The following VAX2 variants were observed in gnomAD, a reference collection of about 807,000 sequenced individuals.
The protein encoded by VAX2 is ventral anterior homeobox 2.
A neutral mutation model predicts 12.5 loss-of-function variants in VAX2; 8 were observed. The observed-to-expected ratio is 0.64, with a 90% CI of 0.37 to 1.15. The LOEUF is 1.15. Ranked by LOEUF, VAX2 falls within the 50% of genes most tolerant of loss-of-function variation. The pLI is 0.01. For missense variants in VAX2, 476 were observed against 412.9 expected, an observed-to-expected ratio of 1.15 and a Z score of -1.32; for synonymous variants, 183 against 187.6, an observed-to-expected ratio of 0.98 and a Z score of 0.20.
intron 1 of VAX2, among the ~76,000 whole-genome samples, chr2:70,917,825 G>C (rs552372142): frequency 6.6e-6 from 1 of 152,158 alleles, no homozygotes; most frequent in Non-Finnish European, 1.5e-5. Context: ...AGATGCTACA[G>C]GGTGGGCTTG....
At chr2:70,923,649 A>C (rs772891793) in intron 2 of VAX2, among the ~76,000 whole-genome samples, 1 of 152,148 alleles carries the variant, frequency 6.6e-6, no homozygotes, top group Non-Finnish European at 1.5e-5. Context: ...CACACAACTC[A>C]GGAAACACCT....
intron 1 of VAX2, among the ~76,000 whole-genome samples, chr2:70,907,145 G>A (rs1475319684): frequency 2.0e-5 from 3 of 152,210 alleles, no homozygotes; most frequent in Non-Finnish European, 4.4e-5. Flanking sequence ...AGTGATCATG[G>A]CAGAACATAG....
chr2:70,922,620 G>C (rs959592121), intron 2 of VAX2, among the ~76,000 whole-genome samples: 1 of 150,342 alleles, frequency 6.7e-6, no homozygotes, highest in Non-Finnish European at 1.5e-5. Flanking sequence ...GAGGTGAGAA[G>C]GGGTGAGAGG....
intron 1 of VAX2, among the ~76,000 whole-genome samples, chr2:70,907,936 G>GA (rs1679096759): frequency 6.6e-6 from 1 of 152,170 alleles, no homozygotes; most frequent in Non-Finnish European, 1.5e-5. Context: ...ACCAGTTCTT[G>GA]CTGTCCCTTG....
chr2:70,931,489 G>T (rs372262540), intron 2 of VAX2, among the ~76,000 whole-genome samples: 1 of 152,214 alleles, frequency 6.6e-6, no homozygotes, highest in Admixed American at 6.5e-5. Flanking sequence ...CAAAGGCAGC[G>T]TGGCGGCCAG....
chr2:70,902,814 T>C (rs553903230), intron 1 of VAX2, among the ~76,000 whole-genome samples: 23 of 152,378 alleles, frequency 1.5e-4, no homozygotes, highest in African/African-American at 5.3e-4. Flanking sequence ...GGGCTTGCAC[T>C]GGATGTGAGA....
intron 1 of VAX2, among the ~76,000 whole-genome samples, chr2:70,909,551 C>T (rs1240762254): frequency 1.3e-5 from 2 of 152,238 alleles, no homozygotes; most frequent in African/African-American, 2.4e-5. Context: ...TTACATGATA[C>T]ACTTCCACTC....
chr2:70,933,332 C>A lies in VAX2; in HGVS notation c.*128C>A, dbSNP rs566171797. ...CACACACTCTTCCCCACCTGCCCCC[C>A]AGCTCAGAGACTCGTGACCAAATGG... On this transcript the variant is annotated 3_prime_UTR_variant, in exon 3 of 3. Coordinates refer to ENST00000234392, the MANE Select transcript of VAX2 (RefSeq NM_012476.3). 1.0e-5 allele frequency: 10 copies of A among 964,636 alleles called. No homozygotes were observed. The highest frequency in any genetic ancestry group is 2.3e-4 in the Middle Eastern group (1 of 4,430). 59.8% of individuals were successfully genotyped at this position (964,636 alleles called of 1,614,324 possible).
intron 2 of VAX2, among the ~76,000 whole-genome samples, chr2:70,932,050 G>A (rs1207779353): frequency 3.3e-5 from 5 of 152,166 alleles, no homozygotes; most frequent in African/African-American, 1.2e-4. Flanking sequence ...AGTGAGTTAG[G>A]GGCTTAAAGC....
intron 2 of VAX2, chr2:70,924,375 C>G (rs1203929686): frequency 8.2e-6 from 1 of 122,136 alleles, no homozygotes; most frequent in Non-Finnish European, 1.9e-5. Flanking sequence ...TTTATGTTTA[C>G]TGTAGAGACG....
Position 70,921,289 on chromosome 2 carries a change from A to G in VAX2, c.435+4A>G. ...GCTGAACCTCTCCGAGACCCAGGTA[A>G]GAGACCAGGGCCAGGCCACTCCACT... On this transcript the variant is annotated splice_donor_region_variant and intron_variant, in intron 2 of 2. Transcript: ENST00000234392. The G allele has an allele frequency of 6.2e-7, 1 of 1,605,642 alleles. No homozygotes were observed. Among genetic ancestry groups the G allele is most frequent in the South Asian group, 1.1e-5 (1 of 89,792 alleles).
At chr2:70,919,923 T>C (rs186243801) in intron 1 of VAX2, among the ~76,000 whole-genome samples, 30 of 152,362 alleles carry the variant, frequency 2.0e-4, no homozygotes, top group African/African-American at 6.0e-4. Context: ...GAGCAAGTAC[T>C]GCAGACGTTT....
chr2:70,922,305 C>A (rs527590879), intron 2 of VAX2, among the ~76,000 whole-genome samples: 2 of 152,208 alleles, frequency 1.3e-5, no homozygotes, highest in East Asian at 1.9e-4. Flanking sequence ...GAGGGGAATG[C>A]GGAAGCACTG....
intron 1 of VAX2, among the ~76,000 whole-genome samples, chr2:70,908,859 A>T (rs1430942983): frequency 6.6e-6 from 1 of 152,192 alleles, no homozygotes; most frequent in Non-Finnish European, 1.5e-5. Flanking sequence ...TAGTCAAGTT[A>T]TTCTGCAGGA....
chr2:70,902,583 G>C (rs1424640634), intron 1 of VAX2, among the ~76,000 whole-genome samples: 5 of 152,128 alleles, frequency 3.3e-5, no homozygotes, highest in Non-Finnish European at 7.4e-5. Flanking sequence ...CCCACCTATG[G>C]GTGGACATTT....
intron 1 of VAX2, among the ~76,000 whole-genome samples, chr2:70,917,677 C>G (rs1165284037): frequency 6.6e-6 from 1 of 152,128 alleles, no homozygotes; most frequent in African/African-American, 2.4e-5. Context: ...CTGAGGTTGC[C>G]TTTCTCGTCT....
rs70956996 is a variant in VAX2, at chr2:70,913,676, AAAATAAATAAATAAATAAAT to A, written c.248-7395_248-7376del. Among the ~76,000 whole-genome samples the A allele has an allele frequency of 3.7e-4, 55 of 148,296 alleles. No homozygotes were observed. The South Asian group carries it at 5.2e-3, about 14-fold the overall frequency. On this transcript the variant is annotated intron_variant, in intron 1 of 2. Coordinates refer to ENST00000234392, the MANE Select transcript of VAX2 (RefSeq NM_012476.3). ...GGGTGACAGAGCGAGACTCCGACTC[AAAATAAATAAATAAATAAAT>A]AAATAAATAAATAAATAAATAAATA...
chr2:70,931,074 C>T (rs1198974798), intron 2 of VAX2, among the ~76,000 whole-genome samples: 1 of 152,220 alleles, frequency 6.6e-6, no homozygotes, highest in Non-Finnish European at 1.5e-5. Flanking sequence ...TGGGCCCTCC[C>T]CCAACTTGCA....
chr2:70,900,579 G>C lies in VAX2; in HGVS notation c.-43G>C, dbSNP rs976096204. On this transcript the variant is annotated 5_prime_UTR_variant, in exon 1 of 3. Coordinates refer to ENST00000234392, the MANE Select transcript of VAX2 (RefSeq NM_012476.3). ...GCGGGGAGCGGCGCTCCCGGCCAGC[G>C]TAGGCTGGCTCCGCCGTAGAGGGGT... 1 of 1,237,128 alleles carries C rather than the reference G, an allele frequency of 8.1e-7. No homozygotes were observed. Among genetic ancestry groups the C allele is most frequent in the Non-Finnish European group, 1.0e-6 (1 of 990,650 alleles). 76.6% of individuals were successfully genotyped at this position (1,237,128 alleles called of 1,614,324 possible).
Sources: gnomAD v4.1 joint callset for allele counts (sites outside exome capture counted in the v4.1 genomes callset) on GRCh38, gnomAD v4.1.1 for gene constraint, MANE v1.5 for transcripts, NCBI Gene and HGNC (gene_info 2026-07-23, HGNC 2026-07-21) for gene names.